The following ZNF791 variants were observed in gnomAD, a reference collection of about 807,000 sequenced individuals.
ZNF791 encodes zinc finger protein 791.
ZNF791 carries 4 observed loss-of-function variants against 11.5 expected under a neutral mutation model. The observed-to-expected ratio is 0.35, with a 90% CI of 0.17 to 0.80. The LOEUF (loss-of-function observed/expected upper bound fraction) is 0.80. Among genes scored for constraint, ZNF791 ranks in the 30% least tolerant of loss-of-function variants. ZNF791 has a pLI of 0.53. For missense variants in ZNF791, 559 were observed against 699.4 expected (o/e 0.80, Z 2.26); for synonymous variants, 212 against 228.1 (o/e 0.93, Z 0.64).
chr19:12,613,380 G>A (rs1177190297), intron 1 of ZNF791, among the ~76,000 whole-genome samples: 2 of 151,926 alleles, frequency 1.3e-5, no homozygotes, highest in African/African-American at 2.4e-5. Flanking sequence ...AGGAGCTCGA[G>A]ACCATCCTGG....
At chr19:12,622,908 AAAG>A (rs1197876381) in intron 1 of ZNF791, among the ~76,000 whole-genome samples, 4 of 95,904 alleles carry the variant, frequency 4.2e-5, no homozygotes, top group Non-Finnish European at 7.8e-5. Context: ...AAAAAAAAAA[AAAG>A]AAAGAAAAAA....
At chr19:12,620,754 CTTTTTT>C (rs1051381342) in intron 1 of ZNF791, among the ~76,000 whole-genome samples, 6 of 83,452 alleles carry the variant, frequency 7.2e-5, no homozygotes, top group East Asian at 3.4e-4. Context: ...GATTTATGTT[CTTTTTT>C]TTTTTTTTTT....
At chr19:12,618,347 C>CA (rs1309319115) in intron 1 of ZNF791, among the ~76,000 whole-genome samples, 1 of 151,906 alleles carries the variant, frequency 6.6e-6, no homozygotes, top group Non-Finnish European at 1.5e-5. Flanking sequence ...CCCATCTTTA[C>CA]AAAAAATGAA....
chr19:12,616,441 A>AC (rs2145180469), intron 1 of ZNF791, among the ~76,000 whole-genome samples: 2 of 152,338 alleles, frequency 1.3e-5, no homozygotes, highest in Non-Finnish European at 2.9e-5. Flanking sequence ...AACAAAAAGG[A>AC]CGCTAGGCAT....
At chr19:12,617,292 A>AT (rs2023258345) in intron 1 of ZNF791, among the ~76,000 whole-genome samples, 1 of 151,496 alleles carries the variant, frequency 6.6e-6, no homozygotes. Flanking sequence ...TGCCTGTCTA[A>AT]TTTTTTTATT....
At chr19:12,614,749 C>T (rs1207854485) in intron 1 of ZNF791, among the ~76,000 whole-genome samples, 3 of 151,944 alleles carry the variant, frequency 2.0e-5, no homozygotes, top group Non-Finnish European at 4.4e-5. Flanking sequence ...CGTGCGCCAC[C>T]ATGCCCAGCT....
At chr19:12,625,057 A>G (rs1344361066) in intron 3 of ZNF791, among the ~76,000 whole-genome samples, 1 of 152,056 alleles carries the variant, frequency 6.6e-6, no homozygotes, top group African/African-American at 2.4e-5. Context: ...CTCAAAAAAA[A>G]AAAGAAGTTG....
chr19:12,628,105 A>G lies in ZNF791; in HGVS notation c.576A>G (p.Gln192=), dbSNP rs1371886710. The G allele has an allele frequency of 1.2e-6, 2 of 1,614,052 alleles. No homozygotes were observed. The highest frequency in any genetic ancestry group is 1.7e-5 in the Admixed American group (1 of 59,978). The part of the protein sequence containing the change: ...HIGEKPYECK[Q]CGKALSCSSS... ...GAGAAAAACCCTATGAATGTAAGCA[A>G]TGTGGAAAAGCTCTTAGTTGTTCCA... Residue 192 remains glutamine (Q), a synonymous_variant, in exon 4 of 4, where the codon CAA becomes CAG. Transcript: ENST00000343325.
At chr19:12,611,133 G>C (rs776056916) in intron 1 of ZNF791, 51 bp downstream of exon 1, 2 of 1,610,256 alleles carry the variant, frequency 1.2e-6, no homozygotes, top group Non-Finnish European at 1.7e-6. Flanking sequence ...CGCGGGACCC[G>C]GGCCTCCCCA....
intron 2 of ZNF791, among the ~76,000 whole-genome samples, 176 bp downstream of exon 2, chr19:12,624,002 C>T (rs562118858): frequency 1.5e-4 from 23 of 149,242 alleles, no homozygotes; most frequent in South Asian, 1.1e-3. Context: ...ATTACAGGCA[C>T]GTGCCACCAT....
rs745502478 is a variant in ZNF791, at chr19:12,628,264, A to G, written c.735A>G (p.Ala245=). ...ERTHTGEKPY[A]CKECGKAFIS... ...CTCACACTGGAGAGAAACCCTATGC[A>G]TGTAAGGAATGTGGGAAAGCCTTCA... The change falls in exon 4 of 4, where the codon GCA becomes GCG. Residue 245 remains alanine (A), a synonymous_variant. Coordinates refer to ENST00000343325, the MANE Select transcript of ZNF791 (RefSeq NM_153358.3). 4 of 1,613,796 alleles carry G rather than the reference A, an allele frequency of 2.5e-6. No homozygotes were observed. The highest frequency in any genetic ancestry group is 2.2e-5 in the East Asian group (1 of 44,852).
intron 1 of ZNF791, among the ~76,000 whole-genome samples, chr19:12,622,357 T>A (rs1174621300): frequency 1.5e-5 from 1 of 66,374 alleles, no homozygotes; most frequent in African/African-American, 5.7e-5. Flanking sequence ...AATAAAAAAA[T>A]AAATTAAAAA....
At position 12,623,870 on chromosome 19, in the gene ZNF791, T is replaced by TGGGC; in HGVS notation, c.130+47_130+48insCGGG. ...TTTCTTTTTTCTTTTTTTTTTTTTT[T>TGGGC]GGGGGGGGACAGAGTTTCACTATTG... is the stretch of plus-strand genomic sequence containing the variant. On this transcript the variant is annotated intron_variant, in intron 2 of 3. Transcript: ENST00000343325. 6 of 712,926 alleles carry TGGGC rather than the reference T, an allele frequency of 8.4e-6. 1 individual carries two copies. Among genetic ancestry groups the TGGGC allele is most frequent in the Non-Finnish European group, 1.2e-5 (6 of 488,574 alleles). 44.2% of individuals were successfully genotyped at this position (712,926 alleles called of 1,614,324 possible).
Position 12,631,840 on chromosome 19 carries a change from G to A in ZNF791, c.*2580G>A, listed in dbSNP as rs1412098002. The A allele has an allele frequency of 6.6e-6, 1 of 152,170 alleles. No individual in the cohort carries two copies. Among genetic ancestry groups the A allele is most frequent in the African/African-American group, 2.4e-5 (1 of 41,452 alleles). The allele number at this position is 152,170 out of a possible 1,614,324, so 9.4% of individuals were successfully genotyped here. A position where few individuals can be genotyped will look rare whatever the true frequency, so the allele number is the denominator to read the frequency against. On this transcript the variant is annotated 3_prime_UTR_variant, in exon 4 of 4. Coordinates refer to ENST00000343325, the MANE Select transcript of ZNF791 (RefSeq NM_153358.3). ...CTTTTCCAAGAAGTCTTGGAAGTGA[G>A]ATAATTCTGTAAGTACTCTTTAAGC...
rs1314410079 is a variant in ZNF791, at chr19:12,618,891, A to G, written c.4-4809A>G. ...TGAGATGGAGTCTCACTCTGTTGCC[A>G]GGCTGGAGTGCAGTGGTGTGATCTC... On this transcript the variant is annotated intron_variant, in intron 1 of 3. Coordinates refer to ENST00000343325, the MANE Select transcript of ZNF791 (RefSeq NM_153358.3). Among the ~76,000 whole-genome samples, 4 of 149,656 alleles carry G rather than the reference A, an allele frequency of 2.7e-5. No homozygotes were observed. In the East Asian group the frequency reaches 8.1e-4, roughly 30 times the overall value.
intron 1 of ZNF791, among the ~76,000 whole-genome samples, chr19:12,621,489 G>GAC (rs2023342364): frequency 6.7e-6 from 1 of 150,188 alleles, no homozygotes; most frequent in Non-Finnish European, 1.5e-5. Context: ...AACACATAGG[G>GAC]ATATATATAT....
At chr19:12,618,216 C>T (rs1406420328) in intron 1 of ZNF791, among the ~76,000 whole-genome samples, 2 of 152,116 alleles carry the variant, frequency 1.3e-5, no homozygotes, top group Non-Finnish European at 2.9e-5. Flanking sequence ...CCACGTCCAC[C>T]AACCATCTAT....
In ZNF791 at chr19:12,629,237, CAT is replaced by C. The variant is rs760968833; in HGVS notation, c.1711_1712del (p.Met571GlufsTer10). Reference sequence around the variant, plus strand: ...CAGTGTGTCCACATCCTTAAAAAAACATATGAGAATGCACAATCGATAGAAAC... The same window carrying C: ...CAGTGTGTCCACATCCTTAAAAAAACATGAGAATGCACAATCGATAGAAAC... ...AFSVSTSLKK[H>X]MRMHNR On this transcript the variant is annotated frameshift_variant, in exon 4 of 4. Transcript: ENST00000343325. LOFTEE classifies it low-confidence loss of function (END_TRUNC). 5.0e-5 allele frequency: 75 copies of C among 1,488,406 alleles called. No homozygotes were observed. Among genetic ancestry groups the C allele is most frequent in the African/African-American group, 4.2e-4 (30 of 71,072 alleles). The allele number at this position is 1,488,406 out of a possible 1,614,324, so 92.2% of individuals were successfully genotyped here.
chr19:12,613,192 G>A (rs982464486), intron 1 of ZNF791, among the ~76,000 whole-genome samples: 1 of 148,806 alleles, frequency 6.7e-6, no homozygotes, highest in Non-Finnish European at 1.5e-5. Flanking sequence ...ACTCCGGACC[G>A]CAGGTGATCC....
Sources: allele counts gnomAD v4.1 joint callset (sites outside exome capture counted in the v4.1 genomes callset), GRCh38; gene constraint gnomAD v4.1.1; transcripts MANE v1.5; gene names NCBI Gene and HGNC (gene_info 2026-07-23, HGNC 2026-07-21).